LRCH1: variants seen among roughly 807,000 people sequenced by gnomAD.
LRCH1 encodes leucine rich repeats and calponin homology domain containing 1.
LRCH1 carries 23 observed loss-of-function variants against 94.9 expected under a neutral mutation model. That is an observed-to-expected ratio of 0.24 (90% confidence interval 0.17 to 0.34). The LOEUF is 0.34. LRCH1 is among the 10% of genes least tolerant of loss of function. The pLI is 1.00. For missense variants in LRCH1, 790 were observed against 945.9 expected (o/e 0.84, Z 2.16); for synonymous variants, 364 against 354.9 (o/e 1.03, Z -0.29).
chr13:46,606,617 G>A (rs1038560659), intron 1 of LRCH1, among the ~76,000 whole-genome samples: 1 of 152,174 alleles, frequency 6.6e-6, no homozygotes, highest in African/African-American at 2.4e-5. Flanking sequence ...TGTCGCCCAT[G>A]CTGGAGTACA....
rs201563944 is a variant in LRCH1 at position 46,701,150 on chromosome 13, A to T, written c.1343A>T (p.Asp448Val). The T allele has an allele frequency of 6.2e-7, 1 of 1,613,698 alleles. No individual in the cohort carries two copies. Among genetic ancestry groups the T allele is most frequent in the South Asian group, 1.1e-5 (1 of 91,070 alleles). The change falls in exon 11 of 20, where the codon GAT (aspartate) becomes GTT (valine). Residue 448 changes from aspartate to valine, a missense_variant. Asp to Val is a radical substitution (Grantham distance 152). Around this residue, in one of 3 missense-constraint regions of LRCH1, gnomAD observed 460 missense variants for 508.9 expected, o/e 0.90. Coordinates refer to ENST00000389797, the MANE Select transcript of LRCH1 (RefSeq NM_001164211.2). ...AGTTCATCCAAAGATCAGGACATGG[A>T]TATAGCAATGATCGAGCAGCTGAGA... ...IISSSKDQDM[D>V]IAMIEQLREA... is the part of the protein sequence containing the mutation.
At chr13:46,606,366 C>T (rs1335198773) in intron 1 of LRCH1, among the ~76,000 whole-genome samples, 1 of 152,114 alleles carries the variant, frequency 6.6e-6, no homozygotes, top group Non-Finnish European at 1.5e-5. Context: ...CATTAACACT[C>T]CCACATGACA....
chr13:46,743,255 CT>C lies in LRCH1; in HGVS notation c.*1409del, dbSNP rs1873756551. 7 of 985,614 alleles carry C rather than the reference CT, an allele frequency of 7.1e-6. No homozygotes were observed. The highest frequency in any genetic ancestry group is 7.0e-5 in the African/African-American group (4 of 57,336). 61.1% of individuals were successfully genotyped at this position (985,614 alleles called of 1,614,324 possible). ...TGAACATTTTCATGAATCCAGGGGA[CT>C]TGAAAATATGGAAGACCCACATAGT... On this transcript the variant is annotated 3_prime_UTR_variant, in exon 20 of 20. Transcript: ENST00000389797.
At chr13:46,660,026 A>T (rs2051424467) in intron 2 of LRCH1, among the ~76,000 whole-genome samples, 1 of 55,756 alleles carries the variant, frequency 1.8e-5, no homozygotes, top group Non-Finnish European at 3.9e-5. Flanking sequence ...TGTATTCCTT[A>T]GGAGTCACTT....
intron 1 of LRCH1, among the ~76,000 whole-genome samples, chr13:46,630,842 G>A (rs935995230): frequency 1.3e-5 from 2 of 152,232 alleles, no homozygotes; most frequent in Non-Finnish European, 2.9e-5. Flanking sequence ...TCCTGTATGT[G>A]AGGCATTTTT....
chr13:46,657,692 A>ATATTTTTTTTTTTTT (rs2051393697), intron 2 of LRCH1, among the ~76,000 whole-genome samples: 1 of 46,920 alleles, frequency 2.1e-5, no homozygotes, highest in Non-Finnish European at 3.9e-5. Flanking sequence ...TGCCCAGCTA[A>ATATTTTTTTTTTTTT]TTTTTTTTTT....
chr13:46,641,717 G>A (rs1003519087), intron 1 of LRCH1, among the ~76,000 whole-genome samples: 2 of 152,080 alleles, frequency 1.3e-5, no homozygotes, highest in African/African-American at 2.4e-5. Context: ...TGGAGAGTGG[G>A]GAACTCGTCC....
At chr13:46,658,620 C>T (rs546877450) in intron 2 of LRCH1, among the ~76,000 whole-genome samples, 1 of 152,228 alleles carries the variant, frequency 6.6e-6, no homozygotes, top group Non-Finnish European at 1.5e-5. Flanking sequence ...GCTGGGACTA[C>T]AGGCATGCAC....
chr13:46,740,955 G>A (rs1873621811), intron 19 of LRCH1, among the ~76,000 whole-genome samples: 1 of 152,120 alleles, frequency 6.6e-6, no homozygotes, highest in South Asian at 2.1e-4. Context: ...AATTTACATA[G>A]TAACTCCATG....
chr13:46,669,294 T>G, intron 3 of LRCH1, 138 bp downstream of exon 3: 1 of 920,522 alleles, frequency 1.1e-6, no homozygotes, highest in Non-Finnish European at 1.6e-6. Flanking sequence ...GATAAAGACA[T>G]TAAGTGGGGA....
chr13:46,572,878 G>T (rs963309254), intron 1 of LRCH1, among the ~76,000 whole-genome samples: 6 of 152,028 alleles, frequency 3.9e-5, no homozygotes, highest in African/African-American at 1.5e-4. Flanking sequence ...TATGTGACAA[G>T]GATAGTAGCG....
intron 11 of LRCH1, among the ~76,000 whole-genome samples, chr13:46,703,091 C>T (rs1171018944): frequency 6.6e-6 from 1 of 152,142 alleles, no homozygotes; most frequent in African/African-American, 2.4e-5. Context: ...ATTCTACATC[C>T]CAAGCCGGGG....
intron 14 of LRCH1, among the ~76,000 whole-genome samples, 174 bp from the exon 15 acceptor site, chr13:46,712,351 T>G (rs1872108412): frequency 6.6e-6 from 1 of 152,252 alleles, no homozygotes; most frequent in Non-Finnish European, 1.5e-5. Flanking sequence ...ATTCTGTTGG[T>G]TATGCCATTT....
At chr13:46,727,917 CTTTCTTTTT>C (rs758094094) in intron 17 of LRCH1, among the ~76,000 whole-genome samples, 15 of 102,492 alleles carry the variant, frequency 1.5e-4, no homozygotes, top group South Asian at 9.5e-4. Context: ...TTCTTTCTTT[CTTTCTTTTT>C]TTTTTTTTGA....
intron 3 of LRCH1, among the ~76,000 whole-genome samples, chr13:46,670,767 CT>C (rs2051589964): frequency 6.6e-6 from 1 of 150,946 alleles, no homozygotes; most frequent in Non-Finnish European, 1.5e-5. Flanking sequence ...AAGAAGAGCC[CT>C]TTGAGAGGCC....
At chr13:46,602,791 A>G (rs1326858196) in intron 1 of LRCH1, among the ~76,000 whole-genome samples, 2 of 152,064 alleles carry the variant, frequency 1.3e-5, no homozygotes, top group East Asian at 3.9e-4. Flanking sequence ...CATCTCTATA[A>G]AAAATACACA....
At chr13:46,621,604 T>G (rs905716488) in intron 1 of LRCH1, among the ~76,000 whole-genome samples, 1 of 152,094 alleles carries the variant, frequency 6.6e-6, no homozygotes, top group Non-Finnish European at 1.5e-5. Context: ...CAGGAAGGGG[T>G]TCTGCATTGC....
At chr13:46,752,882 C>A (rs1184672872) in exon 19 of LRCH1, 1 of 151,798 alleles carries the variant, frequency 6.6e-6, no homozygotes, top group Non-Finnish European at 1.5e-5. Context: ...TAAATGCAGT[C>A]CTTCTATGGC....
In LRCH1 at chr13:46,636,006, C is replaced by A. The variant is rs982507310; in HGVS notation, c.308-14195C>A. Among the ~76,000 whole-genome samples, 5 of 145,054 alleles carry A rather than the reference C, an allele frequency of 3.4e-5. No individual in the cohort carries two copies. In the East Asian group the frequency reaches 1.0e-3, roughly 29 times the overall value. ...CTCTCTCTTTGCAAAGTTTTTAAAG[C>A]TTTTAATTTTGGTAAGACATATACA... On this transcript the variant is annotated intron_variant, in intron 1 of 19. Transcript: ENST00000389797.
Sources: allele counts gnomAD v4.1 joint callset (sites outside exome capture counted in the v4.1 genomes callset), GRCh38; gene constraint gnomAD v4.1.1; regional missense constraint gnomAD v4.1.1; transcripts MANE v1.5; gene names NCBI Gene and HGNC (gene_info 2026-07-23, HGNC 2026-07-21).